Variants in MISP observed in about 807,000 individuals in gnomAD.
The protein encoded by MISP is mitotic interactor and substrate of PLK1.
MISP carries 51 observed loss-of-function variants against 49.3 expected under a neutral mutation model. That is an observed-to-expected ratio of 1.03 (90% CI 0.83 to 1.31). The LOEUF (loss-of-function observed/expected upper bound fraction) is 1.31. Among genes scored for constraint, MISP ranks in the 50% most tolerant of loss-of-function variants. The pLI, the probability that MISP is intolerant of heterozygous loss-of-function variation, is 0.00. For missense variants in MISP, 1,084 were observed against 935.1 expected, an observed-to-expected ratio of 1.16 and a Z score of -2.08; for synonymous variants, 444 against 392.6, an observed-to-expected ratio of 1.13 and a Z score of -1.55.
Position 757,559 on chromosome 19 carries a change from C to T in MISP, c.613C>T (p.Gln205Ter). ...AARQQFLSLE[Q>*]ANKGAPHSSP... ...GAGACAGCAGTTCCTGAGTCTGGAG[C>T]AGGCGAACAAGGGGGCCCCTCATAG... Residue 205 changes from glutamine (Q) to a stop codon, truncating the protein, a stop_gained, in exon 2 of 5, where the codon CAG becomes TAG. Coordinates refer to ENST00000215582, the MANE Select transcript of MISP (RefSeq NM_173481.4). LOFTEE classifies it high-confidence loss of function. The T allele has an allele frequency of 3.7e-6, 6 of 1,612,840 alleles. No homozygotes were observed. Among genetic ancestry groups the T allele is most frequent in the Non-Finnish European group, 5.1e-6 (6 of 1,179,660 alleles).
At position 757,354 on chromosome 19, in the gene MISP, G is replaced by C. The variant is rs35090443; in HGVS notation, c.408G>C (p.Leu136=). The part of the protein sequence containing the change: ...LDAGDADPRR[L]CDLERERWAV... ...CTGGGGACGCTGACCCCAGGAGGCT[G>C]TGTGACCTGGAGCGGGAGCGCTGGG... Residue 136 remains leucine (L), a synonymous_variant, in exon 2 of 5, where the codon CTG becomes CTC. Coordinates refer to ENST00000215582, the MANE Select transcript of MISP (RefSeq NM_173481.4). 11 of 1,613,476 alleles carry C rather than the reference G, an allele frequency of 6.8e-6. No homozygotes were observed. The highest frequency in any genetic ancestry group is 9.3e-6 in the Non-Finnish European group (11 of 1,179,836).
chr19:748,537 G>T (rs967944307), upstream of MISP, among the ~76,000 whole-genome samples: 1 of 152,176 alleles, frequency 6.6e-6, no homozygotes, highest in Non-Finnish European at 1.5e-5. Flanking sequence ...GCTGTAAGGG[G>T]CTGCTGTGGG....
chr19:753,539 G>C (rs1214462777), intron 1 of MISP, among the ~76,000 whole-genome samples: 2 of 151,108 alleles, frequency 1.3e-5, no homozygotes, highest in Non-Finnish European at 2.9e-5. Flanking sequence ...GCGCCCGCCA[G>C]CACACCCGGT....
In MISP at chr19:757,365, A is replaced by G. The variant is rs537290556; in HGVS notation, c.419A>G (p.Glu140Gly). 3.7e-6 allele frequency: 6 copies of G among 1,612,952 alleles called. No individual in the cohort carries two copies. The highest frequency in any genetic ancestry group is 4.2e-6 in the Non-Finnish European group (5 of 1,179,620). ...DADPRRLCDL[E>G]RERWAVIQGQ... ...GACCCCAGGAGGCTGTGTGACCTGG[A>G]GCGGGAGCGCTGGGCCGTCATCCAG... The change falls in exon 2 of 5, where the codon GAG becomes GGG. Residue 140 changes from glutamate to glycine, a missense_variant. By Grantham distance (98) the Glu-to-Gly change is moderately conservative. Transcript: ENST00000215582.
At chr19:754,824 C>T (rs984539877) in intron 1 of MISP, among the ~76,000 whole-genome samples, 11 of 150,806 alleles carry the variant, frequency 7.3e-5, no homozygotes, top group Non-Finnish European at 4.4e-5. Flanking sequence ...AGGAGGAGGG[C>T]GAGGTTTGGG....
upstream of MISP, among the ~76,000 whole-genome samples, chr19:750,100 A>G (rs2033436153): frequency 6.6e-6 from 1 of 150,948 alleles, no homozygotes. Context: ...CACCTTGACT[A>G]AGAATCCAGG....
intron 3 of MISP, among the ~76,000 whole-genome samples, chr19:761,296 T>G (rs1038377488): frequency 1.0e-4 from 15 of 148,886 alleles, no homozygotes; most frequent in Non-Finnish European, 1.8e-4. Context: ...GAGGTGGAGG[T>G]TGCAGTGAGC....
At chr19:760,791 G>C (rs1030333406) in intron 3 of MISP, among the ~76,000 whole-genome samples, 2 of 152,134 alleles carry the variant, frequency 1.3e-5, no homozygotes, top group South Asian at 2.1e-4. Flanking sequence ...GGAGGGATGT[G>C]TCTGTCACAC....
chr19:757,287 A>G lies in MISP; in HGVS notation c.341A>G (p.Glu114Gly). ...CGTCCAACATGGGCACTCCGCCCAG[A>G]GGACGGGGAGGACAAGGAGATGAAG... Reference protein sequence around the residue: ...QGRPTWALRPEDGEDKEMKTY... With the variant: ...QGRPTWALRPGDGEDKEMKTY... Residue 114 changes from glutamate (E) to glycine (G), a missense_variant, in exon 2 of 5, where the codon GAG (glutamate) becomes GGG (glycine). By Grantham distance (98) the Glu-to-Gly change is moderately conservative. Coordinates refer to ENST00000215582, the MANE Select transcript of MISP (RefSeq NM_173481.4). The G allele has an allele frequency of 6.2e-7, 1 of 1,614,044 alleles. No individual in the cohort carries two copies. Among genetic ancestry groups the G allele is most frequent in the East Asian group, 2.2e-5 (1 of 44,882 alleles).
rs768095463 is a variant in MISP at position 758,581 on chromosome 19, T to A, written c.1635T>A (p.Asp545Glu). 6.2e-7 allele frequency: 1 copy of A among 1,614,084 alleles called. No homozygotes were observed. Among genetic ancestry groups the A allele is most frequent in the Non-Finnish European group, 8.5e-7 (1 of 1,180,054 alleles). Residue 545 changes from aspartate (D) to glutamate (E), a missense_variant, in exon 2 of 5, where the codon GAT becomes GAA. Coordinates refer to ENST00000215582, the MANE Select transcript of MISP (RefSeq NM_173481.4). ...GGCTGCAGAAGTCCCAGTCATCTGA[T>A]CTGCTGGAAAGGGAGAGGGAGAGTG... ...ALRLQKSQSS[D>E]LLERERESVL...
At chr19:750,032 C>T (rs1194097856), upstream of MISP, among the ~76,000 whole-genome samples, 1 of 152,008 alleles carries the variant, frequency 6.6e-6, no homozygotes, top group East Asian at 1.9e-4. Context: ...GGCGCTAGGC[C>T]CAGTGGCCCG....
At position 759,570 on chromosome 19, in the gene MISP, T is replaced by G. The variant is rs2033638055; in HGVS notation, c.1781-339T>G. Among the ~76,000 whole-genome samples, 4 of 151,882 alleles carry G rather than the reference T, an allele frequency of 2.6e-5. No homozygotes were observed. The South Asian group carries it at 8.3e-4, about 32-fold the overall frequency. On this transcript the variant is annotated intron_variant, in intron 2 of 4. Transcript: ENST00000215582. Reference sequence around the variant, plus strand: ...GCCTGCCTCCACGCCTGGCTAATTTTTTTGTATTTTTAGTAGAGATGGGGT... The same window carrying G: ...GCCTGCCTCCACGCCTGGCTAATTTGTTTGTATTTTTAGTAGAGATGGGGT...
chr19:752,022 C>T (rs1483441210), intron 1 of MISP, among the ~76,000 whole-genome samples: 3 of 152,120 alleles, frequency 2.0e-5, no homozygotes, highest in African/African-American at 7.2e-5. Context: ...GGAGGAGCAA[C>T]CCAGGGGGCT....
intron 4 of MISP, among the ~76,000 whole-genome samples, chr19:762,704 G>C (rs1401065964): frequency 6.6e-6 from 1 of 151,778 alleles, no homozygotes; most frequent in African/African-American, 2.4e-5. Context: ...TGTCACCCAG[G>C]CTGGAGTGCT....
At chr19:761,684 G>A (rs373070864) in intron 4 of MISP, 21 bp downstream of exon 4, 360 of 1,613,788 alleles carry the variant, frequency 2.2e-4, no homozygotes, top group East Asian at 2.5e-4. Flanking sequence ...TCCTGGGCAC[G>A]AAGACTCAAG....
chr19:762,377 C>G (rs2033687518), intron 4 of MISP, among the ~76,000 whole-genome samples: 1 of 151,976 alleles, frequency 6.6e-6, no homozygotes, highest in Non-Finnish European at 1.5e-5. Context: ...CTCAGCCTCC[C>G]AAGTTGCTGG....
In MISP at chr19:757,739, C is replaced by A; in HGVS notation, c.793C>A (p.Pro265Thr). Residue 265 changes from proline to threonine, a missense_variant, in exon 2 of 5, where the codon CCC becomes ACC. Transcript: ENST00000215582. ...GGAAGAGAACAAGGTGCGTGCTGTG[C>A]CCACCTGGGCCAGTGTCCAAGTTGT... Reference protein sequence around the residue: ...VREENKVRAVPTWASVQVVDD... With the variant: ...VREENKVRAVTTWASVQVVDD... The A allele has an allele frequency of 1.9e-6, 3 of 1,613,824 alleles. No individual in the cohort carries two copies. The highest frequency in any genetic ancestry group is 2.5e-6 in the Non-Finnish European group (3 of 1,179,948).
At chr19:750,055 A>T (rs944303172), upstream of MISP, among the ~76,000 whole-genome samples, 6 of 151,812 alleles carry the variant, frequency 4.0e-5, no homozygotes, top group Admixed American at 3.9e-4. Context: ...TTCCCCACAG[A>T]TGCTGGGCTC....
chr19:763,511 C>T lies in MISP; in HGVS notation c.1961C>T (p.Ala654Val), dbSNP rs1282208043. The change falls in exon 5 of 5, where the codon GCC becomes GTC. Residue 654 changes from alanine to valine, a missense_variant. Coordinates refer to ENST00000215582, the MANE Select transcript of MISP (RefSeq NM_173481.4). The part of the protein sequence containing the change: ...SDGINSEVLE[A>V]IRVTRHKNAM... ...GCCTCCTTTTTGCAGGTCCTGGAAG[C>T]CATACGGGTGACCCGTCACAAGAAC... The T allele has an allele frequency of 1.9e-6, 3 of 1,613,786 alleles. No homozygotes were observed. The highest frequency in any genetic ancestry group is 1.7e-5 in the Admixed American group (1 of 60,012).
Sources: gnomAD v4.1 joint callset for allele counts (sites outside exome capture counted in the v4.1 genomes callset) on GRCh38, gnomAD v4.1.1 for gene constraint, MANE v1.5 for transcripts, NCBI Gene and HGNC (gene_info 2026-07-23, HGNC 2026-07-21) for gene names.